The following ATP10A variants were observed in gnomAD, a reference collection of about 807,000 sequenced individuals.
ATP10A encodes phospholipid-transporting ATPase VA.
A neutral mutation model predicts 147.8 loss-of-function variants in ATP10A; 111 were observed. The ratio of observed to expected loss-of-function variants is 0.75; its 90% CI spans 0.64 to 0.88. The LOEUF (loss-of-function observed/expected upper bound fraction) is 0.88, where lower values mean the gene tolerates loss of function less well. ATP10A is among the 40% of genes least tolerant of loss of function. The pLI, the probability that ATP10A is intolerant of heterozygous loss-of-function variation, is 0.00. For missense variants in ATP10A, 1,927 were observed against 1,959.0 expected, an observed-to-expected ratio of 0.98 and a Z score of 0.31; for synonymous variants, 875 against 841.6, an observed-to-expected ratio of 1.04 and a Z score of -0.69.
intron 2 of ATP10A, among the ~76,000 whole-genome samples, chr15:25,746,943 A>C (rs569531254): frequency 4.6e-5 from 7 of 152,326 alleles, no homozygotes; most frequent in Non-Finnish European, 1.0e-4. Context: ...ATAATATCCC[A>C]AAAATAAAAA....
intron 9 of ATP10A, among the ~76,000 whole-genome samples, chr15:25,715,316 A>C (rs1901730663): frequency 6.6e-6 from 1 of 152,140 alleles, no homozygotes; most frequent in Non-Finnish European, 1.5e-5. Flanking sequence ...GCTGGCTCCA[A>C]ATGTCCTCGA....
At chr15:25,811,339 G>T (rs1472649975) in intron 1 of ATP10A, among the ~76,000 whole-genome samples, 1 of 152,196 alleles carries the variant, frequency 6.6e-6, no homozygotes, top group African/African-American at 2.4e-5. Flanking sequence ...CCCAGTTCTA[G>T]GCCATCAAGG....
intron 2 of ATP10A, among the ~76,000 whole-genome samples, chr15:25,769,435 C>T (rs1419806314): frequency 1.5e-5 from 2 of 134,410 alleles, no homozygotes; most frequent in African/African-American, 2.8e-5. Flanking sequence ...TACAGTGAGC[C>T]GAGATGGCAC....
At chr15:25,683,693 C>T in intron 16 of ATP10A, 1 of 582,168 alleles carries the variant, frequency 1.7e-6, no homozygotes, top group East Asian at 2.9e-5. Flanking sequence ...CTCCTCACTC[C>T]CTTAAGAAAG....
In ATP10A at chr15:25,853,505, C is replaced by T. The variant is rs187285874; in HGVS notation, c.449+9143G>A. ...GGGTAGTCAATGGGGCAGGACCTTC[C>T]TGGGCAGGTGGGGCCATCACATGTC... is the stretch of plus-strand genomic sequence containing the variant. On this transcript the variant is annotated intron_variant, in intron 1 of 20. Transcript: ENST00000555815. 3.9e-5 allele frequency among the ~76,000 whole-genome samples: 6 copies of T among 152,314 alleles called. No individual in the cohort carries two copies. The East Asian group carries it at 1.2e-3, about 29-fold the overall frequency.
At chr15:25,712,057 G>C (rs1901456970) in intron 10 of ATP10A, among the ~76,000 whole-genome samples, 1 of 152,172 alleles carries the variant, frequency 6.6e-6, no homozygotes, top group South Asian at 2.1e-4. Flanking sequence ...TCTTGATAAT[G>C]CTCTATCCAC....
chr15:25,824,552 TG>T (rs764969125), intron 1 of ATP10A, among the ~76,000 whole-genome samples: 21,617 of 52,658 alleles, frequency 0.41, 1,375 homozygotes, highest in Middle Eastern at 0.56. Flanking sequence ...TCTCACTTTT[TG>T]TGTGTGTTTT....
At chr15:25,855,200 T>C (rs943005158) in intron 1 of ATP10A, among the ~76,000 whole-genome samples, 13 of 152,030 alleles carry the variant, frequency 8.6e-5, no homozygotes, top group African/African-American at 3.1e-4. Context: ...ATCCCAAATA[T>C]TGCATATGAA....
At chr15:25,819,586 G>GAAA (rs60720963) in intron 1 of ATP10A, among the ~76,000 whole-genome samples, 1 of 149,686 alleles carries the variant, frequency 6.7e-6, no homozygotes, top group Non-Finnish European at 1.5e-5. Flanking sequence ...GTACCCAAAT[G>GAAA]AAAAAAAAAA....
At chr15:25,733,414 C>T (rs1330371353) in intron 3 of ATP10A, among the ~76,000 whole-genome samples, 1 of 152,144 alleles carries the variant, frequency 6.6e-6, no homozygotes, top group African/African-American at 2.4e-5. Context: ...AGCACTCCAG[C>T]CCCAGGGAGC....
intron 7 of ATP10A, 63 bp downstream of exon 7, chr15:25,721,594 A>G: frequency 6.5e-7 from 1 of 1,546,920 alleles, no homozygotes; most frequent in South Asian, 1.2e-5. Context: ...GTCTCCAAAC[A>G]ATTCTGGATA....
At chr15:25,694,164 G>A (rs139890753) in intron 14 of ATP10A, among the ~76,000 whole-genome samples, 36 of 152,322 alleles carry the variant, frequency 2.4e-4, no homozygotes, top group African/African-American at 8.4e-4. Flanking sequence ...AAGGAGGCGA[G>A]TGGCCACCAT....
chr15:25,688,586 A>G (rs1261657665), intron 15 of ATP10A, among the ~76,000 whole-genome samples: 5 of 111,150 alleles, frequency 4.5e-5, no homozygotes, highest in East Asian at 3.3e-4. Context: ...ATGTCTTTGG[A>G]AAAAAAAATC....
At chr15:25,862,621 G>C in intron 1 of ATP10A, 27 bp downstream of exon 1, 1 of 1,523,678 alleles carries the variant, frequency 6.6e-7, no homozygotes, top group South Asian at 1.3e-5. Context: ...GCCACCGCGC[G>C]CTCGCTCGCC....
At chr15:25,733,393 C>A (rs12915279) in intron 3 of ATP10A, among the ~76,000 whole-genome samples, 52,764 of 152,030 alleles carry the variant, frequency 0.35, 9,398 homozygotes, top group Non-Finnish European at 0.39. Context: ...GGGAGGATTC[C>A]TGCCCGAGGG....
chr15:25,811,459 A>G (rs1468955761), intron 1 of ATP10A, among the ~76,000 whole-genome samples: 2 of 152,170 alleles, frequency 1.3e-5, no homozygotes, highest in Admixed American at 1.3e-4. Context: ...ATGGCATGGA[A>G]CATGCTAGAA....
upstream of ATP10A, chr15:25,863,684 C>G (rs1007839252): frequency 2.6e-5 from 4 of 152,272 alleles, no homozygotes; most frequent in Non-Finnish European, 4.4e-5. Context: ...TAGGACCTTA[C>G]TCCAGGGATC....
chr15:25,752,145 A>G (rs1331681786), intron 2 of ATP10A, among the ~76,000 whole-genome samples: 2 of 152,290 alleles, frequency 1.3e-5, no homozygotes, highest in East Asian at 1.9e-4. Context: ...ATATGAACCA[A>G]CATCTCACTT....
chr15:25,784,624 G>A (rs1196796644), intron 1 of ATP10A, among the ~76,000 whole-genome samples: 1 of 152,090 alleles, frequency 6.6e-6, no homozygotes, highest in Non-Finnish European at 1.5e-5. Context: ...AAGGACGCTG[G>A]CTTCTAAGAA....
Sources: gnomAD v4.1 joint callset for allele counts (sites outside exome capture counted in the v4.1 genomes callset) on GRCh38, gnomAD v4.1.1 for gene constraint, MANE v1.5 for transcripts, NCBI Gene and HGNC (gene_info 2026-07-23, HGNC 2026-07-21) for gene names.